The following GK5 variants were observed in gnomAD, a reference collection of about 807,000 sequenced individuals.
The protein encoded by GK5 is glycerol kinase 5, also known as ATP:glycerol 3-phosphotransferase 5.
Under a neutral mutation model 77.3 loss-of-function variants are expected in GK5, and 39 were observed. The ratio of observed to expected loss-of-function variants is 0.50; its 90% CI spans 0.39 to 0.66. The LOEUF (loss-of-function observed/expected upper bound fraction) is 0.66, where lower values mean the gene tolerates loss of function less well. GK5 is among the 30% of genes least tolerant of loss of function. The pLI is 0.00. For missense variants in GK5, 487 were observed against 633.8 expected (o/e 0.77, Z 2.49); for synonymous variants, 211 against 208.0 (o/e 1.01, Z -0.13).
chr3:142,221,531 T>A (rs1231084469), intron 1 of GK5, among the ~76,000 whole-genome samples: 1 of 152,200 alleles, frequency 6.6e-6, no homozygotes. Context: ...TAATTTTTTT[T>A]TATTAAAAAC....
chr3:142,209,552 A>G (rs6804204), intron 3 of GK5, among the ~76,000 whole-genome samples: 107,760 of 152,162 alleles, frequency 0.71, 38,757 homozygotes, highest in African/African-American at 0.82. Context: ...AAGGAAAAGT[A>G]TAAATGGCAA....
chr3:142,182,893 T>C, intron 10 of GK5, 30 bp downstream of exon 10: 1 of 1,519,150 alleles, frequency 6.6e-7, no homozygotes, highest in Non-Finnish European at 9.1e-7. Flanking sequence ...GATATTTTAT[T>C]AATAAATAGG....
intron 3 of GK5, among the ~76,000 whole-genome samples, chr3:142,212,908 A>G (rs1235766705): frequency 1.4e-5 from 2 of 142,372 alleles, no homozygotes; most frequent in Non-Finnish European, 3.0e-5. Context: ...ATCTCGGCTC[A>G]CTGCAGGCTC....
At chr3:142,182,562 T>TG (rs2063711835) in intron 10 of GK5, among the ~76,000 whole-genome samples, 1 of 152,130 alleles carries the variant, frequency 6.6e-6, no homozygotes, top group Non-Finnish European at 1.5e-5. Context: ...TTGGCCAGGC[T>TG]GGTCTCGAAC....
At position 142,198,856 on chromosome 3, in the gene GK5, G is replaced by A. The variant is rs757248585; in HGVS notation, c.489C>T (p.Phe163=). Residue 163 remains phenylalanine (F), a synonymous_variant, in exon 5 of 16, where the codon TTC becomes TTT. Coordinates refer to ENST00000392993, the MANE Select transcript of GK5 (RefSeq NM_001039547.3). ...ATCTCAAAGAAGTCTGCTGGGTTGT[G>A]AAAGTGAACAAACTGGCTGTAAAAA... ...KRLFTASLFT[F]TTQQTSLRLV... is the part of the protein sequence containing the mutation. The A allele has an allele frequency of 6.2e-7, 1 of 1,613,622 alleles. No individual in the cohort carries two copies. The highest frequency in any genetic ancestry group is 8.5e-7 in the Non-Finnish European group (1 of 1,179,748).
intron 1 of GK5, among the ~76,000 whole-genome samples, chr3:142,216,763 C>T (rs2064281398): frequency 6.6e-6 from 1 of 152,182 alleles, no homozygotes; most frequent in African/African-American, 2.4e-5. Flanking sequence ...ATCCTAAACA[C>T]TATACCAAAA....
chr3:142,196,496 A>G (rs1045734921), intron 5 of GK5, among the ~76,000 whole-genome samples: 1 of 152,074 alleles, frequency 6.6e-6, no homozygotes. Context: ...TCTGCATCTA[A>G]TAAGTTTTGG....
intron 3 of GK5, among the ~76,000 whole-genome samples, chr3:142,209,806 T>A: frequency 6.6e-6 from 1 of 152,206 alleles, no homozygotes; most frequent in East Asian, 1.9e-4. Context: ...GGTGCATTAC[T>A]CCCTGTGAGC....
chr3:142,225,561 T>C lies in GK5; in HGVS notation c.-106A>G, dbSNP rs1368253248. 18 of 1,409,892 alleles carry C rather than the reference T, an allele frequency of 1.3e-5. No homozygotes were observed. The highest frequency in any genetic ancestry group is 1.7e-5 in the Non-Finnish European group (18 of 1,057,050). 87.3% of individuals were successfully genotyped at this position (1,409,892 alleles called of 1,614,324 possible). ...GGCCCAACCCGGGCCCCAACCCGGC[T>C]CAGCCGGAGAGCCTAGAGAGGCCTG... On this transcript the variant is annotated 5_prime_UTR_variant, in exon 1 of 16. Transcript: ENST00000392993.
intron 5 of GK5, among the ~76,000 whole-genome samples, chr3:142,195,739 A>C (rs905627321): frequency 2.0e-5 from 3 of 152,166 alleles, no homozygotes; most frequent in Admixed American, 6.5e-5. Flanking sequence ...GTTATCAGGG[A>C]ATACTGGCCT....
chr3:142,165,539 G>T lies in GK5; in HGVS notation c.*83C>A, dbSNP rs527337279. 1.0e-4 allele frequency: 101 copies of T among 992,896 alleles called. No individual in the cohort carries two copies. The highest frequency in any genetic ancestry group is 1.3e-4 in the Non-Finnish European group (93 of 706,204). 61.5% of individuals were successfully genotyped at this position (992,896 alleles called of 1,614,324 possible). A position where few individuals can be genotyped will look rare whatever the true frequency, so the allele number is the denominator to read the frequency against. ...TTAAAATTTTCTCCTCTTAGTCATT[G>T]TCATATGGGTTATCCCTGAGCTTCA... On this transcript the variant is annotated 3_prime_UTR_variant, in exon 16 of 16. Coordinates refer to ENST00000392993, the MANE Select transcript of GK5 (RefSeq NM_001039547.3).
chr3:142,177,676 A>G lies in GK5; in HGVS notation c.1049-100T>C, dbSNP rs866254206. On this transcript the variant is annotated intron_variant, in intron 11 of 15. Coordinates refer to ENST00000392993, the MANE Select transcript of GK5 (RefSeq NM_001039547.3). ...TACATGATAGTATTTACCTGCATCA[A>G]CATTTATTATGAATATAATGTAAAA... 44 of 716,656 alleles carry G rather than the reference A, an allele frequency of 6.1e-5. 1 individual carries two copies. In the Middle Eastern group the frequency reaches 7.5e-4, roughly 12 times the overall value. 44.4% of individuals were successfully genotyped at this position (716,656 alleles called of 1,614,324 possible).
At chr3:142,173,606 C>T (rs1364534505) in intron 12 of GK5, among the ~76,000 whole-genome samples, 1 of 152,150 alleles carries the variant, frequency 6.6e-6, no homozygotes. Context: ...ATGGCGTGAA[C>T]CCGGGAGGCG....
intron 1 of GK5, among the ~76,000 whole-genome samples, chr3:142,224,703 C>T (rs961635773): frequency 6.6e-6 from 1 of 152,106 alleles, no homozygotes; most frequent in African/African-American, 2.4e-5. Flanking sequence ...CTAATATCCA[C>T]GGCAATCAGT....
At chr3:142,209,830 T>C (rs892464214) in intron 3 of GK5, among the ~76,000 whole-genome samples, 4 of 152,168 alleles carry the variant, frequency 2.6e-5, no homozygotes, top group Non-Finnish European at 5.9e-5. Flanking sequence ...CAAACAGTTA[T>C]GAGTGAATCC....
At chr3:142,214,260 A>G (rs1288898713) in intron 2 of GK5, among the ~76,000 whole-genome samples, 3 of 152,230 alleles carry the variant, frequency 2.0e-5, no homozygotes, top group Non-Finnish European at 2.9e-5. Flanking sequence ...GCAATGATCA[A>G]TCATAATAGA....
At position 142,171,473 on chromosome 3, in the gene GK5, T is replaced by A; in HGVS notation, c.1253A>T (p.Lys418Ile). Residue 418 changes from lysine to isoleucine, a missense_variant, in exon 14 of 16, where the codon AAA becomes ATA. Coordinates refer to ENST00000392993, the MANE Select transcript of GK5 (RefSeq NM_001039547.3). ...AILESIAFRN[K>I]QLYEMMKKEI... is the part of the protein sequence containing the mutation. ...TTTCTTCATCATCTCATATAACTGT[T>A]TGTTTCTAGTTAAAAAACAAGATAA... is the stretch of plus-strand genomic sequence containing the variant. 7.0e-7 allele frequency: 1 copy of A among 1,438,572 alleles called. No homozygotes were observed. Among genetic ancestry groups the A allele is most frequent in the South Asian group, 1.3e-5 (1 of 75,006 alleles). The allele number at this position is 1,438,572 out of a possible 1,614,324, so 89.1% of individuals were successfully genotyped here. A position where few individuals can be genotyped will look rare whatever the true frequency, so the allele number is the denominator to read the frequency against.
chr3:142,215,840 A>T (rs1384203186), intron 1 of GK5, 148 bp from the exon 2 acceptor site: 1 of 546,992 alleles, frequency 1.8e-6, no homozygotes, highest in Non-Finnish European at 3.2e-6. Flanking sequence ...AGACACATTT[A>T]TGAGATAAAA....
intron 5 of GK5, among the ~76,000 whole-genome samples, chr3:142,195,836 C>T (rs1354438929): frequency 4.6e-5 from 7 of 152,162 alleles, no homozygotes. Context: ...GTATTAAAGT[C>T]TCCAACTATT....
Sources: gnomAD v4.1 joint callset for allele counts (sites outside exome capture counted in the v4.1 genomes callset) on GRCh38, gnomAD v4.1.1 for gene constraint, MANE v1.5 for transcripts, NCBI Gene and HGNC (gene_info 2026-07-23, HGNC 2026-07-21) for gene names.